The following GCNT2 variants were observed in gnomAD, a reference collection of about 807,000 sequenced individuals.
GCNT2 encodes N-acetyllactosaminide beta-1,6-N-acetylglucosaminyl-transferase.
In GCNT2, 34 loss-of-function variants were observed where a neutral mutation model predicts 34.2. The ratio of observed to expected loss-of-function variants is 1.00; its 90% CI spans 0.76 to 1.32. GCNT2 has a LOEUF of 1.32. GCNT2 is among the 40% of genes most tolerant of loss of function. The probability of loss-of-function intolerance (pLI) is 0.00; values close to 1 mark genes in which losing one functional copy is unlikely to be tolerated. For synonymous variants in GCNT2, 212 were observed against 188.0 expected (o/e 1.13, Z -1.04); for missense variants, 584 against 489.4 (o/e 1.19, Z -1.82).
intron 3 of GCNT2, among the ~76,000 whole-genome samples, chr6:10,617,747 C>CTTTT (rs1407402607): frequency 1.7e-5 from 2 of 114,296 alleles, no homozygotes; most frequent in South Asian, 2.7e-4. Context: ...GTCTGCATTT[C>CTTTT]TTCTTTTTTT....
At chr6:10,557,480 G>T (rs1762775228) in intron 3 of GCNT2, 1 of 696,680 alleles carries the variant, frequency 1.4e-6, no homozygotes, top group African/African-American at 1.8e-5. Context: ...CTTTCTAAAT[G>T]CAGAAAGATG....
chr6:10,592,670 G>A (rs567530864), intron 3 of GCNT2, among the ~76,000 whole-genome samples: 10 of 152,200 alleles, frequency 6.6e-5, no homozygotes, highest in Admixed American at 2.6e-4. Flanking sequence ...ATTTCTGTTC[G>A]CCACCCCTAA....
At chr6:10,530,142 A>G (rs569090584) in intron 3 of GCNT2, 13 of 297,992 alleles carry the variant, frequency 4.4e-5, no homozygotes, top group Non-Finnish European at 5.8e-5. Flanking sequence ...CAGGTGGATC[A>G]CTTGAGGTCA....
chr6:10,543,125 C>G (rs1762112685), intron 3 of GCNT2, among the ~76,000 whole-genome samples: 2 of 151,686 alleles, frequency 1.3e-5, no homozygotes, highest in Admixed American at 1.3e-4. Flanking sequence ...CTAGGCTGGT[C>G]TCAAACGCCT....
Position 10,563,461 on chromosome 6 carries a change from GC to G in GCNT2, c.925+33626del, listed in dbSNP as rs528096780. 5.9e-4 allele frequency among the ~76,000 whole-genome samples: 90 copies of G among 152,234 alleles called. 2 individuals carry two copies. In the South Asian group the frequency reaches 0.013, roughly 22 times the overall value. On this transcript the variant is annotated intron_variant, in intron 3 of 4. Coordinates refer to ENST00000495262, the MANE Select transcript of GCNT2 (RefSeq NM_145649.5). The stretch of plus-strand genomic sequence containing the variant: ...GTTTAAGATGAAAATATGTGACTTA[GC>G]TGGGCGTGGTGGCTCACGCCTATAA...
Position 10,529,528 on chromosome 6 carries a change from A to G in GCNT2, c.617A>G (p.Tyr206Cys), listed in dbSNP as rs887798958. ...AAAACCAACAGGGAAATAGTTCAGT[A>G]TCTGAAGGGATTTAAAGGGAAAAAT... ...PLKTNREIVQ[Y>C]LKGFKGKNIT... is the part of the protein sequence containing the mutation. The change falls in exon 3 of 5, where the codon TAT becomes TGT. Residue 206 changes from tyrosine to cysteine, a missense_variant. Transcript: ENST00000495262. The G allele has an allele frequency of 1.9e-6, 3 of 1,614,040 alleles. No homozygotes were observed. The Admixed American group carries it at 5.0e-5, about 27-fold the overall frequency.
chr6:10,583,334 C>T (rs1764204158), intron 3 of GCNT2, among the ~76,000 whole-genome samples: 1 of 152,086 alleles, frequency 6.6e-6, no homozygotes. Context: ...AAATGTTTTC[C>T]TAACAGGAGC....
chr6:10,541,245 G>C (rs148703662), intron 3 of GCNT2, among the ~76,000 whole-genome samples: 29 of 152,160 alleles, frequency 1.9e-4, no homozygotes, highest in African/African-American at 6.3e-4. Flanking sequence ...CAGCTCCCAC[G>C]TATGAGAACA....
At chr6:10,608,836 G>A (rs1354140303) in intron 3 of GCNT2, among the ~76,000 whole-genome samples, 1 of 152,226 alleles carries the variant, frequency 6.6e-6, no homozygotes, top group Non-Finnish European at 1.5e-5. Flanking sequence ...TGTGTGGCAG[G>A]ACATTTGGGT....
intron 3 of GCNT2, among the ~76,000 whole-genome samples, chr6:10,589,124 AT>A (rs1764507954): frequency 2.6e-5 from 2 of 75,988 alleles, no homozygotes; most frequent in African/African-American, 5.4e-5. Flanking sequence ...GTGTGTGTGT[AT>A]GTGTGGTGTG....
chr6:10,593,442 ATCC>A (rs1764729599), intron 3 of GCNT2, among the ~76,000 whole-genome samples: 2 of 152,146 alleles, frequency 1.3e-5, no homozygotes, highest in Non-Finnish European at 2.9e-5. Context: ...GGCTCAAGTA[ATCC>A]TCCTGCCTCA....
intron 3 of GCNT2, among the ~76,000 whole-genome samples, chr6:10,547,941 G>C (rs559446824): frequency 6.6e-6 from 1 of 152,338 alleles, no homozygotes; most frequent in East Asian, 1.9e-4. Context: ...GCCAGTGAAA[G>C]CCTGTTCAAG....
rs781251026 is a variant in GCNT2, at chr6:10,529,037, T to C, written c.126T>C (p.Ala42=). 7 of 1,614,054 alleles carry C rather than the reference T, an allele frequency of 4.3e-6. No homozygotes were observed. Among genetic ancestry groups the C allele is most frequent in the Non-Finnish European group, 5.1e-6 (6 of 1,180,002 alleles). Residue 42 remains alanine, a synonymous_variant, in exon 3 of 5, where the codon GCT becomes GCC. Coordinates refer to ENST00000495262, the MANE Select transcript of GCNT2 (RefSeq NM_145649.5). ...TTCTGAGGGCAGCTCTGTCCAATGC[T>C]TCACTGTTAGCAGAAGCCTGTCATC... The part of the protein sequence containing the change: ...KRFLRAALSN[A]SLLAEACHQI...
chr6:10,583,518 T>C (rs1377117945), intron 3 of GCNT2, among the ~76,000 whole-genome samples: 1 of 152,138 alleles, frequency 6.6e-6, no homozygotes, highest in Non-Finnish European at 1.5e-5. Context: ...CAATCCCCAG[T>C]GCACTTCACA....
intron 3 of GCNT2, 102 bp downstream of exon 3, chr6:10,529,938 T>C: frequency 1.0e-6 from 1 of 991,326 alleles, no homozygotes; most frequent in Non-Finnish European, 1.6e-6. Flanking sequence ...CAAACTTCTT[T>C]ACGGTTTTAA....
At chr6:10,525,995 A>T (rs1216015826) in intron 1 of GCNT2, among the ~76,000 whole-genome samples, 1 of 152,240 alleles carries the variant, frequency 6.6e-6, no homozygotes, top group Non-Finnish European at 1.5e-5. Flanking sequence ...ACTAGTTTAG[A>T]TAAGCATAAT....
At chr6:10,595,341 G>A (rs780353546) in intron 3 of GCNT2, among the ~76,000 whole-genome samples, 86 of 151,812 alleles carry the variant, frequency 5.7e-4, no homozygotes, top group Admixed American at 8.5e-4. Flanking sequence ...GCAGTGGCGC[G>A]ATCTTGGCTC....
At chr6:10,549,532 CCTTA>C (rs1290001219) in intron 3 of GCNT2, among the ~76,000 whole-genome samples, 2 of 148,228 alleles carry the variant, frequency 1.3e-5, no homozygotes, top group African/African-American at 5.0e-5. Context: ...GTATTTTCTG[CCTTA>C]CTTCCTTTCT....
At chr6:10,577,834 C>T (rs1437710883) in intron 3 of GCNT2, among the ~76,000 whole-genome samples, 3 of 152,082 alleles carry the variant, frequency 2.0e-5, no homozygotes, top group Admixed American at 6.5e-5. Flanking sequence ...AGCTGCTGCA[C>T]CCGGCCTATT....
Sources: gnomAD v4.1 joint callset for allele counts (sites outside exome capture counted in the v4.1 genomes callset) on GRCh38, gnomAD v4.1.1 for gene constraint, MANE v1.5 for transcripts, NCBI Gene and HGNC (gene_info 2026-07-23, HGNC 2026-07-21) for gene names.